Variants in SCAPER observed in about 807,000 individuals in gnomAD.
SCAPER encodes S-phase cyclin A associated protein in the ER, also known as S phase cyclin A-associated protein in the endoplasmic reticulum.
SCAPER carries 98 observed loss-of-function variants against 182.2 expected under a neutral mutation model. The ratio of observed to expected loss-of-function variants is 0.54; its 90% CI spans 0.46 to 0.64. SCAPER has a LOEUF of 0.64. SCAPER is among the 30% of genes least tolerant of loss of function. The probability of loss-of-function intolerance (pLI) is 0.00; values close to 1 mark genes in which losing one functional copy is unlikely to be tolerated. For missense variants in SCAPER, 1,432 were observed against 1,690.0 expected, an observed-to-expected ratio of 0.85 and a Z score of 2.68; for synonymous variants, 605 against 564.6, an observed-to-expected ratio of 1.07 and a Z score of -1.01.
At chr15:76,605,974 C>T (rs930653550) in intron 22 of SCAPER, among the ~76,000 whole-genome samples, 10 of 152,122 alleles carry the variant, frequency 6.6e-5, no homozygotes, top group African/African-American at 2.4e-4. Flanking sequence ...AAAACCAGCT[C>T]CTGGATTCAT....
intron 29 of SCAPER, among the ~76,000 whole-genome samples, chr15:76,372,335 C>A (rs2042238247): frequency 6.6e-6 from 1 of 152,216 alleles, no homozygotes; most frequent in Non-Finnish European, 1.5e-5. Flanking sequence ...GCTCTCTCCA[C>A]CCATTTCATC....
chr15:76,572,516 C>T lies in SCAPER; in HGVS notation c.2838+1642G>A, dbSNP rs1352200512. Among the ~76,000 whole-genome samples the T allele has an allele frequency of 2.0e-5, 3 of 152,334 alleles. No individual in the cohort carries two copies. In the East Asian group the frequency reaches 5.8e-4, roughly 29 times the overall value. On this transcript the variant is annotated intron_variant, in intron 23 of 31. Transcript: ENST00000563290. ...GGCTGCTTTCGATTCCTCCAGACGA[C>T]TGTACTGTCTGATGCCAAAATGTAG... is the stretch of plus-strand genomic sequence containing the variant.
At chr15:76,873,022 G>A (rs12594556) in intron 2 of SCAPER, among the ~76,000 whole-genome samples, 56,749 of 149,658 alleles carry the variant, frequency 0.38, 12,807 homozygotes, top group Middle Eastern at 0.52. Context: ...GACTAAGGTG[G>A]GAGTATCACT....
chr15:76,441,821 C>T (rs454381), intron 25 of SCAPER, among the ~76,000 whole-genome samples: 43,377 of 150,464 alleles, frequency 0.29, 6,342 homozygotes, highest in Non-Finnish European at 0.32. Flanking sequence ...ACATTATTTC[C>T]TCTCTCTCTC....
At chr15:76,875,905 C>A (rs910764413) in intron 2 of SCAPER, among the ~76,000 whole-genome samples, 1 of 152,150 alleles carries the variant, frequency 6.6e-6, no homozygotes, top group Admixed American at 6.5e-5. Flanking sequence ...GCTCGGGCCG[C>A]GCAGGACCCC....
chr15:76,775,524 C>T (rs1315804550), intron 8 of SCAPER, among the ~76,000 whole-genome samples: 3 of 151,974 alleles, frequency 2.0e-5, no homozygotes, highest in Non-Finnish European at 2.9e-5. Flanking sequence ...TAATTTATCC[C>T]AGATCACGCA....
chr15:76,375,806 A>G (rs1203555373), intron 29 of SCAPER, among the ~76,000 whole-genome samples: 1 of 152,152 alleles, frequency 6.6e-6, no homozygotes, highest in Non-Finnish European at 1.5e-5. Context: ...CAACATGGCA[A>G]AACCCCATCT....
intron 8 of SCAPER, 63 bp downstream of exon 8, chr15:76,795,217 A>C: frequency 7.0e-7 from 1 of 1,418,782 alleles, no homozygotes; most frequent in South Asian, 1.4e-5. Context: ...ATTTTAAACA[A>C]AATAAGTATC....
chr15:76,772,306 A>G (rs1406182297), intron 9 of SCAPER, among the ~76,000 whole-genome samples: 3 of 152,022 alleles, frequency 2.0e-5, no homozygotes, highest in South Asian at 4.1e-4. Context: ...CATTCACTGT[A>G]TTATACTCAT....
chr15:76,872,461 C>G (rs2072794465), intron 2 of SCAPER, among the ~76,000 whole-genome samples: 1 of 152,004 alleles, frequency 6.6e-6, no homozygotes, highest in South Asian at 2.1e-4. Context: ...AGGATAAGAG[C>G]TCATTACCTT....
At chr15:76,560,106 G>T (rs1263468921) in intron 23 of SCAPER, among the ~76,000 whole-genome samples, 1 of 150,556 alleles carries the variant, frequency 6.6e-6, no homozygotes, top group Non-Finnish European at 1.5e-5. Flanking sequence ...CTTAATGTTT[G>T]TGTGCCCCTC....
intron 23 of SCAPER, among the ~76,000 whole-genome samples, chr15:76,552,333 C>G (rs748698807): frequency 1.2e-4 from 19 of 152,030 alleles, no homozygotes; most frequent in Admixed American, 2.6e-4. Flanking sequence ...AGTAGACACA[C>G]CCGGCAGGAG....
rs2040812533 is a variant in SCAPER at position 76,354,358 on chromosome 15, C to T, written c.3856-218G>A. On this transcript the variant is annotated intron_variant, in intron 29 of 31. Coordinates refer to ENST00000563290, the MANE Select transcript of SCAPER (RefSeq NM_020843.4). The surrounding 1 kb of genome is among the most constrained non-coding windows in gnomAD (Gnocchi z 4.4). ...TAAGGAAAAGATCCTGAAAGTTTTG[C>T]ACTCATTTAAAAGTTATTATAATCC... is the stretch of plus-strand genomic sequence containing the variant. 2.1e-6 allele frequency: 1 copy of T among 481,926 alleles called. No homozygotes were observed. The highest frequency in any genetic ancestry group is 3.1e-5 in the South Asian group (1 of 32,084). The allele number at this position is 481,926 out of a possible 1,614,324, so 29.9% of individuals were successfully genotyped here.
Position 76,765,002 on chromosome 15 carries a change from G to C in SCAPER, c.1684C>G (p.Arg562Gly). The change falls in exon 14 of 32, where the codon CGC becomes GGC. Residue 562 changes from arginine (R) to glycine (G), a missense_variant. Arg to Gly is a moderately radical substitution (Grantham distance 125). Around this residue, in one of 5 missense-constraint regions of SCAPER, gnomAD observed 128 missense variants for 149.9 expected, o/e 0.85. Transcript: ENST00000563290. ...MKAQQLREKLREEKTLKLQKL... is the reference protein window; with the variant it reads ...MKAQQLREKLGEEKTLKLQKL... Reference sequence around the variant, plus strand: ...TGAAGCTTCAATGTTTTCTCTTCGCGTAACTTTTCCCTTAGCTGCTGTGCT... The same window carrying C: ...TGAAGCTTCAATGTTTTCTCTTCGCCTAACTTTTCCCTTAGCTGCTGTGCT... The C allele has an allele frequency of 1.9e-6, 3 of 1,602,410 alleles. No homozygotes were observed. Among genetic ancestry groups the C allele is most frequent in the Non-Finnish European group, 2.6e-6 (3 of 1,174,782 alleles).
chr15:76,636,984 TA>T (rs537033234), intron 21 of SCAPER, among the ~76,000 whole-genome samples: 50 of 151,296 alleles, frequency 3.3e-4, no homozygotes, highest in Admixed American at 6.6e-4. Context: ...CATTTTATTT[TA>T]AAAAAAAACA....
Position 76,471,325 on chromosome 15 carries a change from T to G in SCAPER, c.2965A>C (p.Asn989His). Residue 989 changes from asparagine to histidine, a missense_variant, in exon 25 of 32, where the codon AAT (asparagine) becomes CAT (histidine). Asn to His is a moderately conservative substitution (Grantham distance 68). Around this residue, in one of 5 missense-constraint regions of SCAPER, gnomAD observed 718 missense variants for 799.7 expected, o/e 0.90. Coordinates refer to ENST00000563290, the MANE Select transcript of SCAPER (RefSeq NM_020843.4). ...GTGAGGTTGTAAACATTGATTGCATTGCAGAGAGACCTAAAAGAAGGAGAA... is the reference window on the plus strand; with the variant it reads ...GTGAGGTTGTAAACATTGATTGCATGGCAGAGAGACCTAAAAGAAGGAGAA... ...VLRIPPKSLCNAINVYNLTCN... is the reference protein window; with the variant it reads ...VLRIPPKSLCHAINVYNLTCN... 2 of 1,607,596 alleles carry G rather than the reference T, an allele frequency of 1.2e-6. No homozygotes were observed. Among genetic ancestry groups the G allele is most frequent in the Non-Finnish European group, 1.7e-6 (2 of 1,177,424 alleles).
chr15:76,572,209 A>G (rs2047480117), intron 23 of SCAPER, among the ~76,000 whole-genome samples: 2 of 152,216 alleles, frequency 1.3e-5, no homozygotes, highest in African/African-American at 4.8e-5. Context: ...CAAAAGTTCT[A>G]TTACTTTAAT....
At chr15:76,801,925 A>G (rs1165211502) in intron 6 of SCAPER, among the ~76,000 whole-genome samples, 2 of 151,820 alleles carry the variant, frequency 1.3e-5, no homozygotes, top group Non-Finnish European at 2.9e-5. Flanking sequence ...AAAAAAAAAA[A>G]GGGATGCCTC....
At chr15:76,542,265 G>T (rs2044826544) in intron 23 of SCAPER, among the ~76,000 whole-genome samples, 1 of 152,110 alleles carries the variant, frequency 6.6e-6, no homozygotes, top group African/African-American at 2.4e-5. Flanking sequence ...GCTCACACCT[G>T]TAATCTCAGC....
Sources: gnomAD v4.1 joint callset for allele counts (sites outside exome capture counted in the v4.1 genomes callset) on GRCh38, gnomAD v4.1.1 for gene constraint, gnomAD v4.1.1 regional missense constraint, Gnocchi (gnomAD v3.1) non-coding constraint, MANE v1.5 for transcripts, NCBI Gene and HGNC (gene_info 2026-07-23, HGNC 2026-07-21) for gene names.